The following RHOU variants were observed in gnomAD, a reference collection of about 807,000 sequenced individuals.
The protein encoded by RHOU is rho-related GTP-binding protein RhoU.
RHOU carries 8 observed loss-of-function variants against 12.6 expected under a neutral mutation model. The ratio of observed to expected loss-of-function variants is 0.64; its 90% CI spans 0.37 to 1.15. The LOEUF (loss-of-function observed/expected upper bound fraction) is 1.15, where lower values mean the gene tolerates loss of function less well. RHOU is among the 50% of genes most tolerant of loss of function. The probability of loss-of-function intolerance (pLI) is 0.01; values close to 1 mark genes in which losing one functional copy is unlikely to be tolerated. For missense variants in RHOU, 258 were observed against 347.0 expected, an observed-to-expected ratio of 0.74 and a Z score of 2.04; for synonymous variants, 161 against 147.4, an observed-to-expected ratio of 1.09 and a Z score of -0.67.
At chr1:228,711,105 T>A in the RHOU span, among the ~76,000 whole-genome samples, 15 of 151,736 alleles carry the variant, frequency 9.9e-5, no homozygotes, top group African/African-American at 3.4e-4. Flanking sequence ...TTACAAGGGA[T>A]GTGAAGGACC....
At chr1:228,736,325 G>C (rs1033115499) in intron 1 of RHOU, among the ~76,000 whole-genome samples, 1 of 151,726 alleles carries the variant, frequency 6.6e-6, no homozygotes, top group Admixed American at 6.6e-5. Context: ...AACAGGTTGA[G>C]TTCAGGGTGC....
chr1:228,737,534 C>G lies in RHOU; in HGVS notation c.263-139C>G. On this transcript the variant is annotated intron_variant, in intron 1 of 2. Coordinates refer to ENST00000366691, the MANE Select transcript of RHOU (RefSeq NM_021205.6). The surrounding 1 kb of genome is among the most constrained non-coding windows in gnomAD (Gnocchi z 4.1). ...CTCCACAGGGCCTCCTTGTTTTTGGCTAGTCTTTAATTCATTAGAGGACCT... is the reference window on the plus strand; with the variant it reads ...CTCCACAGGGCCTCCTTGTTTTTGGGTAGTCTTTAATTCATTAGAGGACCT... The G allele has an allele frequency of 1.2e-6, 1 of 815,452 alleles. No individual in the cohort carries two copies. Among genetic ancestry groups the G allele is most frequent in the Non-Finnish European group, 2.0e-6 (1 of 492,618 alleles). 50.5% of individuals were successfully genotyped at this position (815,452 alleles called of 1,614,324 possible). A position where few individuals can be genotyped will look rare whatever the true frequency, so the allele number is the denominator to read the frequency against.
chr1:228,687,019 C>T, the RHOU span, among the ~76,000 whole-genome samples: 3 of 152,102 alleles, frequency 2.0e-5, no homozygotes, highest in African/African-American at 4.8e-5. Context: ...GGATTACATG[C>T]GTGAGCCACC....
At chr1:228,711,320 T>C in the RHOU span, among the ~76,000 whole-genome samples, 1 of 152,068 alleles carries the variant, frequency 6.6e-6, no homozygotes, top group African/African-American at 2.4e-5. Context: ...TTAAAGTTCA[T>C]ATGGAACCAA....
the RHOU span, among the ~76,000 whole-genome samples, chr1:228,668,242 C>G: frequency 6.6e-6 from 1 of 152,188 alleles, no homozygotes; most frequent in Non-Finnish European, 1.5e-5. Flanking sequence ...GCTGTATATA[C>G]CTTTGCACAT....
the RHOU span, among the ~76,000 whole-genome samples, chr1:228,728,284 G>A: frequency 6.6e-6 from 1 of 152,218 alleles, no homozygotes; most frequent in Non-Finnish European, 1.5e-5. Context: ...AAATCTACCT[G>A]CCATCCCTCT....
chr1:228,733,490 A>G (rs1323538574), upstream of RHOU, among the ~76,000 whole-genome samples: 1 of 152,168 alleles, frequency 6.6e-6, no homozygotes, highest in Non-Finnish European at 1.5e-5. Context: ...TATTTTTGGT[A>G]GAGACAGGGT....
chr1:228,729,783 A>G, the RHOU span, among the ~76,000 whole-genome samples: 1 of 152,242 alleles, frequency 6.6e-6, no homozygotes, highest in Non-Finnish European at 1.5e-5. Context: ...AATCAAAATT[A>G]AGGATTGATT....
the RHOU span, chr1:228,651,060 T>C: frequency 1.9e-5 from 5 of 259,672 alleles, no homozygotes; most frequent in Non-Finnish European, 4.0e-5. Flanking sequence ...GCTTCCCTCA[T>C]AAAGACCAAG....
chr1:228,706,987 G>A, the RHOU span, among the ~76,000 whole-genome samples: 1 of 150,504 alleles, frequency 6.6e-6, no homozygotes, highest in Non-Finnish European at 1.5e-5. Flanking sequence ...GTTGAACGTG[G>A]TGGTGATAAT....
chr1:228,712,602 T>C, the RHOU span, among the ~76,000 whole-genome samples: 1 of 132,034 alleles, frequency 7.6e-6, no homozygotes, highest in East Asian at 2.2e-4. Context: ...TGGGTGGGAG[T>C]TGAACAATGA....
upstream of RHOU, among the ~76,000 whole-genome samples, chr1:228,730,812 C>A (rs1424882057): frequency 6.6e-6 from 1 of 152,148 alleles, no homozygotes; most frequent in African/African-American, 2.4e-5. Context: ...TCCAAAAAAA[C>A]CGTGCTGTTC....
At chr1:228,650,494 A>T in the RHOU span, 4 of 456,542 alleles carry the variant, frequency 8.8e-6, no homozygotes, top group Non-Finnish European at 1.8e-5. Flanking sequence ...GGTGGCCGTG[A>T]TGGTGCTGAA....
chr1:228,659,571 G>T, the RHOU span, among the ~76,000 whole-genome samples: 353 of 150,520 alleles, frequency 2.3e-3, 7 homozygotes, highest in East Asian at 2.3e-3. Flanking sequence ...CCAAAAGCTG[G>T]TTTTTTTTTA....
At chr1:228,698,605 C>A in the RHOU span, among the ~76,000 whole-genome samples, 1 of 152,204 alleles carries the variant, frequency 6.6e-6, no homozygotes, top group Non-Finnish European at 1.5e-5. Flanking sequence ...ACATTTTTAA[C>A]TTTTGTCTCA....
the RHOU span, among the ~76,000 whole-genome samples, chr1:228,668,769 C>T: frequency 6.6e-6 from 1 of 152,220 alleles, no homozygotes; most frequent in Non-Finnish European, 1.5e-5. Flanking sequence ...CTAGGTTGCT[C>T]ATTTCTGATC....
chr1:228,649,519 A>T, the RHOU span, among the ~76,000 whole-genome samples: 1 of 152,234 alleles, frequency 6.6e-6, no homozygotes, highest in Non-Finnish European at 1.5e-5. Flanking sequence ...GTTTTTAAAA[A>T]AATTCATGTA....
the RHOU span, among the ~76,000 whole-genome samples, chr1:228,672,463 G>A: frequency 2.6e-5 from 4 of 152,106 alleles, no homozygotes; most frequent in South Asian, 6.2e-4. Context: ...GTGCCCAGCC[G>A]CATTTTCATA....
chr1:228,724,013 A>G, the RHOU span, among the ~76,000 whole-genome samples: 4 of 152,154 alleles, frequency 2.6e-5, no homozygotes, highest in Admixed American at 6.5e-5. Context: ...GGCCTGCATG[A>G]GGCCTTCCAT....
Sources: allele counts gnomAD v4.1 joint callset (sites outside exome capture counted in the v4.1 genomes callset), GRCh38; gene constraint gnomAD v4.1.1; non-coding constraint Gnocchi (gnomAD v3.1); transcripts MANE v1.5; gene names NCBI Gene and HGNC (gene_info 2026-07-23, HGNC 2026-07-21).